The following CHRNA1 variants were observed in gnomAD, a reference collection of about 807,000 sequenced individuals.
CHRNA1 encodes cholinergic receptor nicotinic alpha 1 subunit.
A neutral mutation model predicts 47.1 loss-of-function variants in CHRNA1; 35 were observed. The ratio of observed to expected loss-of-function variants is 0.74; its 90% CI spans 0.57 to 0.99. The LOEUF is 0.99. Ranked by LOEUF, CHRNA1 falls within the 50% of genes least tolerant of loss-of-function variation. The pLI, the probability that CHRNA1 is intolerant of heterozygous loss-of-function variation, is 0.00. For synonymous variants in CHRNA1, 229 were observed against 223.6 expected (o/e 1.02, Z -0.22); for missense variants, 506 against 591.1 (o/e 0.86, Z 1.49).
chr2:174,750,347 G>A (rs1683824601), intron 6 of CHRNA1, among the ~76,000 whole-genome samples, 178 bp from the exon 7 acceptor site: 1 of 152,098 alleles, frequency 6.6e-6, no homozygotes, highest in African/African-American at 2.4e-5. Context: ...AGGTGATATG[G>A]GGTAGTGAGT....
intron 6 of CHRNA1, 38 bp from the exon 7 acceptor site, chr2:174,750,207 T>C: frequency 1.3e-6 from 2 of 1,504,068 alleles, no homozygotes; most frequent in Non-Finnish European, 1.8e-6. Flanking sequence ...ATCCCACAAC[T>C]ACCCATCTGG....
chr2:174,757,565 C>T lies in CHRNA1; in HGVS notation c.344+1G>A. 1 of 1,613,462 alleles carries T rather than the reference C, an allele frequency of 6.2e-7. No homozygotes were observed. The highest frequency in any genetic ancestry group is 1.1e-5 in the South Asian group (1 of 91,060). On this transcript the variant is annotated splice_donor_variant, in intron 4 of 8. Transcript: ENST00000348749. LOFTEE classifies it high-confidence loss of function. Reference sequence around the variant, plus strand: ...CTCCGCCACCCATGCAGTTTGCTCACTTGTTATAGAGAACAAGGTCTGGGC... The same window carrying T: ...CTCCGCCACCCATGCAGTTTGCTCATTTGTTATAGAGAACAAGGTCTGGGC...
In CHRNA1 at chr2:174,759,313, AT is replaced by A; in HGVS notation, c.234+17del. 1 of 1,613,778 alleles carries A rather than the reference AT, an allele frequency of 6.2e-7. No homozygotes were observed. The highest frequency in any genetic ancestry group is 8.5e-7 in the Non-Finnish European group (1 of 1,179,706). ...TGTGAATGAAAACGACACACATGCA[AT>A]TATCTGGCTAAGTTACCTGTTTCAG... On this transcript the variant is annotated intron_variant, in intron 3 of 8. Transcript: ENST00000348749.
intron 3 of CHRNA1, among the ~76,000 whole-genome samples, chr2:174,758,919 T>A (rs1018876579): frequency 2.0e-5 from 3 of 152,070 alleles, no homozygotes; most frequent in African/African-American, 7.2e-5. Context: ...ATATATCATA[T>A]GTATATGTAT....
At chr2:174,751,781 C>G (rs183294262) in intron 6 of CHRNA1, among the ~76,000 whole-genome samples, 1 of 151,412 alleles carries the variant, frequency 6.6e-6, no homozygotes, top group Non-Finnish European at 1.5e-5. Flanking sequence ...AGGGTTCAAG[C>G]GATTCTCCTG....
At chr2:174,763,444 G>GA (rs1323457809) in intron 1 of CHRNA1, among the ~76,000 whole-genome samples, 1 of 151,956 alleles carries the variant, frequency 6.6e-6, no homozygotes, top group South Asian at 2.1e-4. Flanking sequence ...CTCTGATATT[G>GA]AAAAAAATTA....
intron 1 of CHRNA1, among the ~76,000 whole-genome samples, chr2:174,763,324 G>A (rs1469666575): frequency 9.3e-4 from 10 of 10,720 alleles, no homozygotes; most frequent in Non-Finnish European, 2.6e-3. Flanking sequence ...GTGTGTGCAC[G>A]CGCGCGCACA....
rs762623861 is a variant in CHRNA1, at chr2:174,753,779, C to A, written c.541-39G>T. 7.5e-6 allele frequency: 12 copies of A among 1,599,028 alleles called. No homozygotes were observed. In the Admixed American group the frequency reaches 2.0e-4, roughly 27 times the overall value. On this transcript the variant is annotated intron_variant, in intron 5 of 8. Coordinates refer to ENST00000348749, the MANE Select transcript of CHRNA1 (RefSeq NM_000079.4). ...TGAGGTTTGGAAATCCCAGGCAGGT[C>A]ACCCTGATGAGGGGCAGCGTTTTGT...
At chr2:174,753,125 A>T in intron 6 of CHRNA1, 3 of 497,272 alleles carry the variant, frequency 6.0e-6, no homozygotes, top group Non-Finnish European at 7.3e-6. Context: ...TAGTCAGTAC[A>T]TAGAAAGTGA....
intron 3 of CHRNA1, among the ~76,000 whole-genome samples, chr2:174,758,563 A>G (rs1684029119): frequency 6.6e-6 from 1 of 152,202 alleles, no homozygotes. Context: ...CAGATTTGGG[A>G]AGTTTAACTG....
chr2:174,758,556 AT>A (rs1482434990), intron 3 of CHRNA1, among the ~76,000 whole-genome samples: 1 of 152,214 alleles, frequency 6.6e-6, no homozygotes, highest in African/African-American at 2.4e-5. Flanking sequence ...AGATTTTCAG[AT>A]TTGGGAAGTT....
chr2:174,762,974 G>A (rs996431728), intron 1 of CHRNA1, among the ~76,000 whole-genome samples: 6 of 152,170 alleles, frequency 3.9e-5, no homozygotes, highest in Non-Finnish European at 8.8e-5. Flanking sequence ...TTCAGGCTGT[G>A]TTTTCTGACT....
intron 4 of CHRNA1, among the ~76,000 whole-genome samples, chr2:174,757,021 G>T (rs1683992232): frequency 6.6e-6 from 1 of 152,216 alleles, no homozygotes; most frequent in South Asian, 2.1e-4. Flanking sequence ...GATGGGCAGT[G>T]AAGGCATCCC....
chr2:174,761,062 C>G (rs145073373), intron 1 of CHRNA1, among the ~76,000 whole-genome samples: 245 of 152,280 alleles, frequency 1.6e-3, no homozygotes, highest in African/African-American at 5.5e-3. Flanking sequence ...GATTGGAATC[C>G]TGTCATTTTG....
rs1574002549 is a variant in CHRNA1, at chr2:174,748,764, G to T, written c.1058C>A (p.Ser353Tyr). The T allele has an allele frequency of 1.2e-6, 2 of 1,614,144 alleles. No homozygotes were observed. Among genetic ancestry groups the T allele is most frequent in the Non-Finnish European group, 1.7e-6 (2 of 1,180,016 alleles). ...IMFFSTMKRP[S>Y]REKQDKKIFT... ...AATCTTTTTGTCTTGCTTTTCTCTG[G>T]ATGGTCTTTTCATTGTGGAGAAAAA... Residue 353 changes from serine (S) to tyrosine (Y), a missense_variant, in exon 8 of 9, where the codon TCC becomes TAC. Transcript: ENST00000348749.
chr2:174,762,609 A>G (rs78644324), intron 1 of CHRNA1, among the ~76,000 whole-genome samples: 2,890 of 152,334 alleles, frequency 0.019, 100 homozygotes, highest in African/African-American at 0.067. Flanking sequence ...ACAAGTTGGA[A>G]AGTGATATGC....
chr2:174,757,989 C>G (rs778408913), intron 3 of CHRNA1: 9 of 1,613,174 alleles, frequency 5.6e-6, no homozygotes, highest in Non-Finnish European at 7.6e-6. Flanking sequence ...CAAAGTCACG[C>G]AGCTGGGGCG....
chr2:174,759,476 C>T lies in CHRNA1; in HGVS notation c.189+12G>A, dbSNP rs201168898. 1.1e-4 allele frequency: 170 copies of T among 1,614,134 alleles called. 1 individual carries two copies. The African/African-American group carries it at 2.1e-3, about 20-fold the overall frequency. ...TGGGTGTGTGGGCAGGCCCCCAGTG[C>T]TCTTGTCTCACCACATTGATGAGCT... On this transcript the variant is annotated intron_variant, in intron 2 of 8. Coordinates refer to ENST00000348749, the MANE Select transcript of CHRNA1 (RefSeq NM_000079.4).
chr2:174,748,518 C>T (rs1329476474), intron 8 of CHRNA1, 62 bp downstream of exon 8: 11 of 1,585,888 alleles, frequency 6.9e-6, no homozygotes, highest in Non-Finnish European at 8.6e-6. Flanking sequence ...AGACTCACCA[C>T]CTGTGCTCAT....
Sources: gnomAD v4.1 joint callset for allele counts (sites outside exome capture counted in the v4.1 genomes callset) on GRCh38, gnomAD v4.1.1 for gene constraint, MANE v1.5 for transcripts, NCBI Gene and HGNC (gene_info 2026-07-23, HGNC 2026-07-21) for gene names.